Variants in PDE4B observed in about 807,000 individuals in gnomAD.
PDE4B encodes the protein 3',5'-cyclic-AMP phosphodiesterase 4B.
In PDE4B, 20 loss-of-function variants were observed where a neutral mutation model predicts 82.2. The observed-to-expected ratio is 0.24, with a 90% CI of 0.17 to 0.35. The LOEUF is 0.35. PDE4B is among the 10% of genes least tolerant of loss of function. PDE4B has a pLI of 1.00. For synonymous variants in PDE4B, 320 were observed against 318.9 expected (o/e 1.00, Z -0.04); for missense variants, 655 against 907.2 (o/e 0.72, Z 3.57).
intron 3 of PDE4B, among the ~76,000 whole-genome samples, chr1:66,102,973 T>C (rs1440437779): frequency 2.0e-5 from 3 of 152,136 alleles, no homozygotes; most frequent in Admixed American, 6.6e-5. Flanking sequence ...AAATTAATTA[T>C]ATAAAAGGAA....
chr1:66,370,409 G>A (rs541325756), intron 16 of PDE4B, among the ~76,000 whole-genome samples: 1 of 152,260 alleles, frequency 6.6e-6, no homozygotes, highest in African/African-American at 2.4e-5. Flanking sequence ...TCCCCAAACA[G>A]CCTTGCAAGA....
intron 3 of PDE4B, among the ~76,000 whole-genome samples, chr1:66,232,038 C>T (rs142765663): frequency 3.3e-5 from 5 of 152,300 alleles, no homozygotes; most frequent in African/African-American, 1.2e-4. Flanking sequence ...AAGACCTGCT[C>T]ATAGGCATTT....
At chr1:66,015,811 C>T (rs1291408853) in intron 3 of PDE4B, among the ~76,000 whole-genome samples, 1 of 152,144 alleles carries the variant, frequency 6.6e-6, no homozygotes, top group Non-Finnish European at 1.5e-5. Flanking sequence ...GAGATTCTCT[C>T]AACCTTGGAC....
intron 3 of PDE4B, among the ~76,000 whole-genome samples, chr1:66,073,225 A>G (rs1023472289): frequency 6.6e-6 from 1 of 152,078 alleles, no homozygotes; most frequent in African/African-American, 2.4e-5. Context: ...ACCTTTCTTT[A>G]CAATGTCACC....
chr1:66,319,710 A>G (rs1315844856), intron 7 of PDE4B, among the ~76,000 whole-genome samples: 2 of 152,216 alleles, frequency 1.3e-5, no homozygotes, highest in African/African-American at 4.8e-5. Context: ...CTTTTCCTCT[A>G]TAAAATAAAG....
At chr1:66,110,442 C>T (rs150833681) in intron 3 of PDE4B, among the ~76,000 whole-genome samples, 34 of 152,122 alleles carry the variant, frequency 2.2e-4, no homozygotes, top group South Asian at 1.2e-3. Context: ...TTCCACAAGT[C>T]TTGTCTGCTA....
intron 3 of PDE4B, among the ~76,000 whole-genome samples, chr1:66,151,042 C>A (rs1179801119): frequency 6.6e-6 from 1 of 152,110 alleles, no homozygotes. Flanking sequence ...GTAGTACTGA[C>A]CTCAGATAAT....
chr1:66,363,383 G>T, intron 11 of PDE4B, 24 bp from the exon 12 acceptor site: 1 of 1,596,240 alleles, frequency 6.3e-7, no homozygotes, highest in Non-Finnish European at 8.6e-7. Flanking sequence ...ACTTATTTAT[G>T]TTCTAATCCA....
chr1:66,152,593 T>G (rs1646420165), intron 3 of PDE4B: 1 of 214,026 alleles, frequency 4.7e-6, no homozygotes, highest in Non-Finnish European at 1.0e-5. Flanking sequence ...TATATATGTG[T>G]GTGTGTGTGT....
chr1:65,946,462 A>T (rs1422251905), intron 3 of PDE4B, among the ~76,000 whole-genome samples: 1 of 151,952 alleles, frequency 6.6e-6, no homozygotes, highest in Non-Finnish European at 1.5e-5. Flanking sequence ...TGGAGTTAGG[A>T]AGAGATGTGA....
intron 3 of PDE4B, among the ~76,000 whole-genome samples, chr1:65,956,908 C>A (rs953417523): frequency 6.6e-6 from 1 of 152,010 alleles, no homozygotes; most frequent in South Asian, 2.1e-4. Context: ...TATCTGTGTA[C>A]TCTCTGATCT....
chr1:65,877,326 G>A (rs1394599614), intron 1 of PDE4B, among the ~76,000 whole-genome samples: 1 of 152,106 alleles, frequency 6.6e-6, no homozygotes, highest in Non-Finnish European at 1.5e-5. Context: ...TTAATAAATG[G>A]TGCTGGGGGC....
chr1:66,030,654 A>T (rs1225544016), intron 3 of PDE4B, among the ~76,000 whole-genome samples: 1 of 152,178 alleles, frequency 6.6e-6, no homozygotes, highest in East Asian at 1.9e-4. Flanking sequence ...AAAGACATAT[A>T]CACCCATATG....
At chr1:66,322,946 A>T (rs1345332881) in intron 7 of PDE4B, among the ~76,000 whole-genome samples, 1 of 152,168 alleles carries the variant, frequency 6.6e-6, no homozygotes, top group East Asian at 1.9e-4. Context: ...AAAGCCAGAT[A>T]TCAAACTCGT....
At chr1:66,212,068 T>A (rs574783885) in intron 3 of PDE4B, among the ~76,000 whole-genome samples, 1 of 152,320 alleles carries the variant, frequency 6.6e-6, no homozygotes, top group Non-Finnish European at 1.5e-5. Flanking sequence ...CAGCAACTAT[T>A]TACCAAGCCT....
intron 7 of PDE4B, among the ~76,000 whole-genome samples, chr1:66,324,082 C>A (rs1008835419): frequency 1.3e-5 from 2 of 152,062 alleles, no homozygotes; most frequent in Non-Finnish European, 2.9e-5. Flanking sequence ...GCAGGTTTTC[C>A]TAAGGGTAAG....
chr1:65,806,836 T>C (rs1645760139), intron 1 of PDE4B, among the ~76,000 whole-genome samples: 1 of 152,228 alleles, frequency 6.6e-6, no homozygotes, highest in African/African-American at 2.4e-5. Flanking sequence ...CTGACGGCAG[T>C]TGTAAAATAC....
chr1:65,961,120 G>T (rs111839903), intron 3 of PDE4B, among the ~76,000 whole-genome samples: 1 of 152,152 alleles, frequency 6.6e-6, no homozygotes, highest in South Asian at 2.1e-4. Context: ...TCACACATAG[G>T]TAGGATGTTT....
chr1:66,110,205 AT>A (rs1198410702), intron 3 of PDE4B, among the ~76,000 whole-genome samples: 1 of 151,998 alleles, frequency 6.6e-6, no homozygotes, highest in Non-Finnish European at 1.5e-5. Context: ...AAGAGCGGAA[AT>A]TGATGAGCGT....
Sources: gnomAD v4.1 joint callset for allele counts (sites outside exome capture counted in the v4.1 genomes callset) on GRCh38, gnomAD v4.1.1 for gene constraint, MANE v1.5 for transcripts, NCBI Gene and HGNC (gene_info 2026-07-23, HGNC 2026-07-21) for gene names.